Variants in USP34 observed in about 807,000 individuals in gnomAD.
The protein encoded by USP34 is ubiquitin specific peptidase 34.
A neutral mutation model predicts 460.3 loss-of-function variants in USP34; 70 were observed. The observed-to-expected ratio is 0.15, with a 90% CI of 0.13 to 0.19. USP34 has a LOEUF of 0.19. Ranked by LOEUF, USP34 falls within the 10% of genes least tolerant of loss-of-function variation. The pLI is 1.00. For synonymous variants in USP34, 1,647 were observed against 1,405.3 expected (o/e 1.17, Z -3.85); for missense variants, 3,985 against 4,236.2 (o/e 0.94, Z 1.65).
In USP34 at chr2:61,188,238, A is replaced by G. The variant is rs1440835650; in HGVS notation, c.10505T>C (p.Leu3502Pro). The G allele has an allele frequency of 3.1e-6, 5 of 1,614,176 alleles. No homozygotes were observed. The highest frequency in any genetic ancestry group is 4.2e-6 in the Non-Finnish European group (5 of 1,180,038). Residue 3502 changes from leucine to proline, a missense_variant, in exon 80 of 80, where the codon CTC becomes CCC. By Grantham distance (98) the Leu-to-Pro change is moderately conservative (BLOSUM62 -3). Transcript: ENST00000398571. ...PSQDPEVALS[L>P]SCGHSRGLFS... ...GAGTCCTCTGGAATGGCCACAACTG[A>G]GAGATAAAGCAACCTCAGGGTCCTG...
At chr2:61,293,360 T>C (rs996574219) in intron 33 of USP34, 104 bp downstream of exon 33, 37 of 741,666 alleles carry the variant, frequency 5.0e-5, no homozygotes, top group Non-Finnish European at 7.5e-5. Flanking sequence ...TTCCATACTT[T>C]ATTATAAGGA....
chr2:61,437,903 T>A (rs1694862385), intron 1 of USP34, among the ~76,000 whole-genome samples: 1 of 152,146 alleles, frequency 6.6e-6, no homozygotes, highest in Admixed American at 6.5e-5. Context: ...ATGGGTTCAC[T>A]GCTGAAATCT....
intron 58 of USP34, among the ~76,000 whole-genome samples, chr2:61,232,001 T>C (rs1687919796): frequency 6.6e-6 from 1 of 152,020 alleles, no homozygotes. Flanking sequence ...AATTTCATTG[T>C]CTATTTTACC....
rs775859627 is a variant in USP34, at chr2:61,257,058, T to C, written c.6042A>G (p.Val2014=). 1.3e-5 allele frequency: 20 copies of C among 1,572,486 alleles called. No homozygotes were observed. In the East Asian group the frequency reaches 3.6e-4, roughly 28 times the overall value. The change falls in exon 46 of 80, where the codon GTA becomes GTG. Residue 2014 remains valine, a synonymous_variant. Transcript: ENST00000398571. ...LFGGVITNNV[V]SLDCEHVSQT... ...AACCAGGTATAATACTTACCAAGGATACAACATTGTTTGTAATTACACCTC... is the reference window on the plus strand; with the variant it reads ...AACCAGGTATAATACTTACCAAGGACACAACATTGTTTGTAATTACACCTC...
At chr2:61,395,772 C>G (rs1167555258) in intron 3 of USP34, among the ~76,000 whole-genome samples, 3 of 108,546 alleles carry the variant, frequency 2.8e-5, no homozygotes, top group East Asian at 2.5e-4. Flanking sequence ...GGCGACAGAA[C>G]GAGACTCCGT....
chr2:61,261,197 T>C (rs990774566), intron 43 of USP34, among the ~76,000 whole-genome samples: 1 of 152,242 alleles, frequency 6.6e-6, no homozygotes, highest in African/African-American at 2.4e-5. Context: ...CTCAAACATG[T>C]TTGTACACCC....
chr2:61,411,194 A>G (rs1249924030), intron 2 of USP34, among the ~76,000 whole-genome samples: 1 of 151,950 alleles, frequency 6.6e-6, no homozygotes, highest in Admixed American at 6.6e-5. Flanking sequence ...AGACTGGTCT[A>G]GGCAACATAG....
At chr2:61,304,366 C>T (rs1690335962) in intron 27 of USP34, among the ~76,000 whole-genome samples, 1 of 152,216 alleles carries the variant, frequency 6.6e-6, no homozygotes, top group African/African-American at 2.4e-5. Flanking sequence ...ATTTAGCATA[C>T]TGGCCTGTAT....
At chr2:61,317,985 A>G (rs1222304520) in intron 22 of USP34, among the ~76,000 whole-genome samples, 2 of 151,972 alleles carry the variant, frequency 1.3e-5, no homozygotes, top group Non-Finnish European at 2.9e-5. Context: ...TGAGCTCAGG[A>G]GTTTTGAGAC....
At position 61,470,650 on chromosome 2, in the gene USP34, T is replaced by C. The variant is rs1160619774; in HGVS notation, c.43A>G (p.Ile15Val). The change falls in exon 1 of 80, where the codon ATA becomes GTA. Residue 15 changes from isoleucine to valine, a missense_variant and splice_region_variant. Ile to Val is a conservative substitution (Grantham distance 29, BLOSUM62 3). This residue lies in a region of USP34 where 331 missense variants were observed against 293.7 expected (regional missense o/e 1.13). Transcript: ENST00000398571. ...CADLVEVLNE[I>V]SDVEGGDGLQ... ...ACAGGCCGCTACCGCGGCTACTTACTTTCATTTAACACCTCCACCAGGTCT... is the reference window on the plus strand; with the variant it reads ...ACAGGCCGCTACCGCGGCTACTTACCTTCATTTAACACCTCCACCAGGTCT... 6 of 1,593,854 alleles carry C rather than the reference T, an allele frequency of 3.8e-6. No homozygotes were observed. Among genetic ancestry groups the C allele is most frequent in the Non-Finnish European group, 4.3e-6 (5 of 1,169,526 alleles).
chr2:61,454,974 C>T (rs542774887), intron 1 of USP34, among the ~76,000 whole-genome samples: 5 of 150,430 alleles, frequency 3.3e-5, no homozygotes, highest in African/African-American at 1.2e-4. Flanking sequence ...CTCCACCTCC[C>T]AAGTTGAAGC....
chr2:61,312,858 T>C (rs1028283488), intron 25 of USP34, among the ~76,000 whole-genome samples: 1 of 152,216 alleles, frequency 6.6e-6, no homozygotes, highest in Non-Finnish European at 1.5e-5. Context: ...TACTATGTCT[T>C]GGGAAACAAA....
intron 71 of USP34, 78 bp from the exon 72 acceptor site, chr2:61,206,202 G>A (rs552630924): frequency 4.2e-6 from 5 of 1,180,582 alleles, no homozygotes; most frequent in African/African-American, 1.5e-5. Flanking sequence ...GTAAACTACA[G>A]AATGCTAATG....
At chr2:61,462,123 C>G (rs1309985068) in intron 1 of USP34, among the ~76,000 whole-genome samples, 1 of 151,656 alleles carries the variant, frequency 6.6e-6, no homozygotes, top group Non-Finnish European at 1.5e-5. Flanking sequence ...CCTGTAATCA[C>G]AGCTACCCAG....
chr2:61,295,393 T>C, intron 30 of USP34, 103 bp from the exon 31 acceptor site: 10 of 1,236,880 alleles, frequency 8.1e-6, no homozygotes, highest in Middle Eastern at 2.7e-4. Context: ...AAATATTATA[T>C]ATACTTTGAA....
At chr2:61,373,847 C>G (rs904600421) in intron 8 of USP34, among the ~76,000 whole-genome samples, 1 of 152,136 alleles carries the variant, frequency 6.6e-6, no homozygotes, top group African/African-American at 2.4e-5. Context: ...TCTATTTTCT[C>G]TATTTTACAA....
intron 3 of USP34, among the ~76,000 whole-genome samples, chr2:61,396,028 T>A (rs1193896583): frequency 4.7e-5 from 7 of 148,196 alleles, no homozygotes; most frequent in Non-Finnish European, 7.4e-5. Context: ...TTACACTCCA[T>A]CCTGGGTGAC....
chr2:61,287,137 CAG>C (rs1342367096), intron 34 of USP34, among the ~76,000 whole-genome samples: 1 of 152,162 alleles, frequency 6.6e-6, no homozygotes, highest in Non-Finnish European at 1.5e-5. Context: ...GGAATACTGA[CAG>C]AGATCATTTT....
Position 61,384,436 on chromosome 2 carries a change from G to A in USP34, c.754-1100C>T, listed in dbSNP as rs536461829. 3.9e-4 allele frequency among the ~76,000 whole-genome samples: 60 copies of A among 152,222 alleles called. 1 individual carries two copies. The highest frequency in any genetic ancestry group is 1.4e-3 in the African/African-American group (59 of 41,552). On this transcript the variant is annotated intron_variant, in intron 5 of 79. Transcript: ENST00000398571. ...TATAATCCCAGCACTCTGGGAGATC[G>A]TGGCAGGTGGATCACTTGAGGTCAG...
Sources: gnomAD v4.1 joint callset for allele counts (sites outside exome capture counted in the v4.1 genomes callset) on GRCh38, gnomAD v4.1.1 for gene constraint, gnomAD v4.1.1 regional missense constraint, MANE v1.5 for transcripts, NCBI Gene and HGNC (gene_info 2026-07-23, HGNC 2026-07-21) for gene names.